The following PCDHA2 variants were observed in gnomAD, a reference collection of about 807,000 sequenced individuals.
PCDHA2 encodes protocadherin alpha-2.
Under a neutral mutation model 66.0 loss-of-function variants are expected in PCDHA2, and 58 were observed. The observed-to-expected ratio is 0.88, with a 90% confidence interval of 0.71 to 1.09. The LOEUF (loss-of-function observed/expected upper bound fraction) is 1.09, where lower values mean the gene tolerates loss of function less well. Ranked by LOEUF, PCDHA2 falls within the 50% of genes least tolerant of loss-of-function variation. The probability of loss-of-function intolerance (pLI) is 0.00; values close to 1 mark genes in which losing one functional copy is unlikely to be tolerated. For missense variants in PCDHA2, 1,267 were observed against 1,242.3 expected (o/e 1.02, Z -0.30); for synonymous variants, 634 against 554.0 (o/e 1.14, Z -2.03).
At chr5:140,915,069 C>T (rs2076962975) in intron 1 of PCDHA2, among the ~76,000 whole-genome samples, 2 of 151,484 alleles carry the variant, frequency 1.3e-5, no homozygotes, top group Admixed American at 6.6e-5. Flanking sequence ...CCTTAGCCTA[C>T]TGAGTAGCTG....
At chr5:140,808,999 C>T (rs17844283) in intron 1 of PCDHA2, 4 of 1,613,708 alleles carry the variant, frequency 2.5e-6, no homozygotes, top group South Asian at 2.2e-5. Context: ...CGGGCTACAA[C>T]GCGTGGCTTT....
At chr5:140,841,533 A>T (rs2150317593) in intron 1 of PCDHA2, 20 of 1,613,658 alleles carry the variant, frequency 1.2e-5, no homozygotes, top group Non-Finnish European at 1.7e-5. Context: ...TCCAAAAGAC[A>T]CCGGGACCTT....
chr5:140,831,444 C>T (rs1029779683), intron 1 of PCDHA2, among the ~76,000 whole-genome samples: 11 of 151,230 alleles, frequency 7.3e-5, no homozygotes, highest in Admixed American at 1.3e-4. Context: ...ACTGCACCCT[C>T]GAATGCCTGG....
chr5:140,968,363 G>T (rs1448494733), intron 1 of PCDHA2: 1 of 1,614,090 alleles, frequency 6.2e-7, no homozygotes, highest in East Asian at 2.2e-5. Context: ...CAGCCTTTAT[G>T]CTGTCAACTC....
chr5:140,852,149 G>T (rs940913819), intron 1 of PCDHA2: 1 of 867,026 alleles, frequency 1.2e-6, no homozygotes. Flanking sequence ...AGATCAGAAT[G>T]GCCTTGAGAA....
At chr5:140,808,261 A>T (rs373829294) in intron 1 of PCDHA2, 14 of 1,614,106 alleles carry the variant, frequency 8.7e-6, no homozygotes, top group Non-Finnish European at 1.2e-5. Flanking sequence ...TATCACTTCC[A>T]ATTAGAGAGG....
chr5:140,975,601 GA>G (rs781785883), intron 1 of PCDHA2, among the ~76,000 whole-genome samples: 1 of 152,192 alleles, frequency 6.6e-6, no homozygotes, highest in Non-Finnish European at 1.5e-5. Flanking sequence ...GCAATTTGTT[GA>G]TGTCTTCCAC....
chr5:140,981,721 A>G (rs2096948672), intron 2 of PCDHA2, among the ~76,000 whole-genome samples: 1 of 151,112 alleles, frequency 6.6e-6, no homozygotes, highest in Non-Finnish European at 1.5e-5. Context: ...TTCATCCAAC[A>G]AATATTTGAG....
At chr5:140,821,867 A>G (rs2150111364) in intron 1 of PCDHA2, 51 of 1,614,024 alleles carry the variant, frequency 3.2e-5, no homozygotes, top group Non-Finnish European at 4.2e-5. Context: ...GGCCAGCTCC[A>G]CTACTCGATC....
At chr5:140,977,865 G>C (rs2096778412) in intron 1 of PCDHA2, among the ~76,000 whole-genome samples, 4 of 152,172 alleles carry the variant, frequency 2.6e-5, no homozygotes, top group Non-Finnish European at 5.9e-5. Flanking sequence ...ACCAAATATG[G>C]TAAGTATAAT....
intron 1 of PCDHA2, chr5:140,828,634 T>C (rs1769862472): frequency 6.2e-7 from 1 of 1,614,188 alleles, no homozygotes; most frequent in Non-Finnish European, 8.5e-7. Context: ...TCGGGCTAGA[T>C]GTGAAAATAA....
intron 1 of PCDHA2, chr5:140,811,423 G>A (rs954337823): frequency 1.3e-5 from 2 of 152,158 alleles, no homozygotes; most frequent in African/African-American, 4.8e-5. Flanking sequence ...GGACATTTGG[G>A]TTGGTTCCAA....
At chr5:140,868,925 T>C (rs558364822) in intron 1 of PCDHA2, 1 of 1,048,896 alleles carries the variant, frequency 9.5e-7, no homozygotes. Flanking sequence ...GAAAGTTCAT[T>C]TAAAGGTTGG....
chr5:140,850,133 C>T, intron 1 of PCDHA2: 1 of 1,595,806 alleles, frequency 6.3e-7, no homozygotes, highest in Non-Finnish European at 8.6e-7. Flanking sequence ...CGCCTCTGGG[C>T]AGCAACGTGA....
At chr5:140,824,423 T>G in intron 1 of PCDHA2, 1 of 504,742 alleles carries the variant, frequency 2.0e-6, no homozygotes, top group Non-Finnish European at 3.5e-6. Flanking sequence ...TTTGGAGTCA[T>G]TCTCAAAGTT....
intron 1 of PCDHA2, chr5:140,869,931 G>C (rs2051507983): frequency 6.2e-7 from 1 of 1,611,492 alleles, no homozygotes; most frequent in Admixed American, 1.7e-5. Flanking sequence ...TCAATGGAGA[G>C]GTAACATACT....
At chr5:140,853,515 G>A in intron 1 of PCDHA2, 1 of 976,904 alleles carries the variant, frequency 1.0e-6, no homozygotes, top group Non-Finnish European at 1.2e-6. Context: ...CAATAATGAA[G>A]CTCCTCCTAT....
At position 140,856,610 on chromosome 5, in the gene PCDHA2, G is replaced by A. The variant is rs782134319; in HGVS notation, c.2388+59258G>A. Reference sequence around the variant, plus strand: ...TGATATTATAAACAAAAAAGACAAAGACAAATTCCCAGTGCTTGTTCTGCG... The same window carrying A: ...TGATATTATAAACAAAAAAGACAAAAACAAATTCCCAGTGCTTGTTCTGCG... On this transcript the variant is annotated intron_variant, in intron 1 of 3. Transcript: ENST00000526136. 5 of 1,597,928 alleles carry A rather than the reference G, an allele frequency of 3.1e-6. No homozygotes were observed. The Admixed American group carries it at 5.1e-5, about 16-fold the overall frequency.
chr5:140,942,157 T>C (rs2093241169), intron 1 of PCDHA2, among the ~76,000 whole-genome samples: 1 of 152,236 alleles, frequency 6.6e-6, no homozygotes, highest in Non-Finnish European at 1.5e-5. Context: ...TAAAACAGCT[T>C]CCATATTTCT....
Sources: gnomAD v4.1 joint callset for allele counts (sites outside exome capture counted in the v4.1 genomes callset) on GRCh38, gnomAD v4.1.1 for gene constraint, MANE v1.5 for transcripts, NCBI Gene and HGNC (gene_info 2026-07-23, HGNC 2026-07-21) for gene names.